The following CDC27 variants were observed in gnomAD, a reference collection of about 807,000 sequenced individuals.
CDC27 encodes the protein cell division cycle 27, also known as cell division cycle protein 27 homolog.
CDC27 carries 27 observed loss-of-function variants against 109.7 expected under a neutral mutation model. That is an observed-to-expected ratio of 0.25 (90% confidence interval 0.18 to 0.34). The LOEUF (loss-of-function observed/expected upper bound fraction) is 0.34, where lower values mean the gene tolerates loss of function less well. Among genes scored for constraint, CDC27 ranks in the 10% least tolerant of loss-of-function variants. CDC27 has a pLI of 1.00. For missense variants in CDC27, 579 were observed against 960.2 expected, an observed-to-expected ratio of 0.60 and a Z score of 5.25; for synonymous variants, 266 against 333.9, an observed-to-expected ratio of 0.80 and a Z score of 2.22.
rs781548146 is a variant in CDC27, at chr17:47,181,567, G to C, written c.98C>G (p.Ala33Gly). The stretch of plus-strand genomic sequence containing the variant: ...GCAATGAATAGATTTCAAACCTTCT[G>C]CATAAAGGCGTTCTGCGAGGAAAAC... ...DAVFLAERLY[A>G]EVHSEEALFL... Residue 33 changes from alanine (A) to glycine (G), a missense_variant, in exon 2 of 19, where the codon GCA (alanine) becomes GGA (glycine). By Grantham distance (60) the Ala-to-Gly change is moderately conservative (BLOSUM62 0). Coordinates refer to ENST00000066544, the MANE Select transcript of CDC27 (RefSeq NM_001256.6). 2.5e-6 allele frequency: 4 copies of C among 1,585,714 alleles called. No individual in the cohort carries two copies. In the East Asian group the frequency reaches 8.9e-5, roughly 35 times the overall value.
intron 9 of CDC27, among the ~76,000 whole-genome samples, chr17:47,149,156 A>C (rs533306893): frequency 2.6e-4 from 40 of 151,934 alleles, no homozygotes; most frequent in Non-Finnish European, 5.0e-4. Flanking sequence ...ATGAAATAAG[A>C]ACTTTTTTTC....
chr17:47,138,729 G>T lies in CDC27; in HGVS notation c.1704+10C>A. The T allele has an allele frequency of 6.3e-7, 1 of 1,598,822 alleles. No homozygotes were observed. The stretch of plus-strand genomic sequence containing the variant: ...GTAACTATATAAGCAAAGTATTTTG[G>T]TTAACATACCTCTGGCGAATTTTTA... On this transcript the variant is annotated intron_variant, in intron 13 of 18. Coordinates refer to ENST00000066544, the MANE Select transcript of CDC27 (RefSeq NM_001256.6).
chr17:47,179,280 A>G (rs886921268), intron 2 of CDC27, among the ~76,000 whole-genome samples: 2 of 152,234 alleles, frequency 1.3e-5, no homozygotes, highest in African/African-American at 2.4e-5. Context: ...TACTAGTGAC[A>G]TAGGAGGCCC....
At chr17:47,133,024 TATATACAC>T (rs781728880) in intron 14 of CDC27, among the ~76,000 whole-genome samples, 3,021 of 47,500 alleles carry the variant, frequency 0.064, 178 homozygotes, top group East Asian at 0.29. Flanking sequence ...TATATATATA[TATATACAC>T]ACACACACAC....
chr17:47,163,662 A>C (rs1407720307), intron 4 of CDC27, among the ~76,000 whole-genome samples: 1 of 152,246 alleles, frequency 6.6e-6, no homozygotes, highest in Non-Finnish European at 1.5e-5. Flanking sequence ...ATTTAACTGC[A>C]TCTTTAAAAA....
At chr17:47,186,156 C>T (rs955771672) in intron 1 of CDC27, among the ~76,000 whole-genome samples, 1 of 152,182 alleles carries the variant, frequency 6.6e-6, no homozygotes, top group African/African-American at 2.4e-5. Flanking sequence ...TAAATATTCC[C>T]AAAGTGGTGC....
intron 1 of CDC27, among the ~76,000 whole-genome samples, chr17:47,186,535 T>C (rs2064443452): frequency 6.6e-6 from 1 of 152,224 alleles, no homozygotes; most frequent in Non-Finnish European, 1.5e-5. Context: ...GTGACTTTTA[T>C]AAATATTCAA....
intron 10 of CDC27, 51 bp downstream of exon 10, chr17:47,143,831 GT>G: frequency 2.5e-6 from 2 of 801,612 alleles, no homozygotes; most frequent in East Asian, 2.9e-5. Flanking sequence ...GAACAGAAAT[GT>G]TAGCAGGCGA....
chr17:47,137,246 A>G lies in CDC27; in HGVS notation c.1819T>C (p.Leu607=), dbSNP rs1229081511. The G allele has an allele frequency of 1.2e-6, 2 of 1,611,386 alleles. No homozygotes were observed. Among genetic ancestry groups the G allele is most frequent in the Admixed American group, 3.3e-5 (2 of 59,966 alleles). The change falls in exon 14 of 19, where the codon TTA becomes CTA. Residue 607 remains leucine (L), a synonymous_variant. Transcript: ENST00000066544. The part of the protein sequence containing the change: ...DPNYAYAYTL[L]GHEFVLTEEL... ...TCAGTTAAGACAAACTCATGCCCTAATAGAGTATAGGCATAAGCGTAATTT... is the reference window on the plus strand; with the variant it reads ...TCAGTTAAGACAAACTCATGCCCTAGTAGAGTATAGGCATAAGCGTAATTT...
intron 4 of CDC27, among the ~76,000 whole-genome samples, chr17:47,165,743 C>A (rs1199161896): frequency 6.6e-6 from 1 of 152,100 alleles, no homozygotes; most frequent in Non-Finnish European, 1.5e-5. Context: ...CTAACCCTAG[C>A]TCATAAAGAT....
At chr17:47,127,493 TC>T (rs1568364686) in intron 16 of CDC27, among the ~76,000 whole-genome samples, 3 of 150,466 alleles carry the variant, frequency 2.0e-5, no homozygotes, top group African/African-American at 7.3e-5. Flanking sequence ...ACCTCTGCCT[TC>T]CAGTTTCAAG....
intron 9 of CDC27, among the ~76,000 whole-genome samples, chr17:47,147,564 AT>A (rs1293580069): frequency 6.6e-6 from 1 of 151,104 alleles, no homozygotes; most frequent in Non-Finnish European, 1.5e-5. Context: ...ATACAAATAC[AT>A]CCTATACGTT....
chr17:47,143,962 C>T lies in CDC27; in HGVS notation c.1091G>A (p.Ser364Asn). The T allele has an allele frequency of 1.4e-6, 2 of 1,460,854 alleles. No individual in the cohort carries two copies. Among genetic ancestry groups the T allele is most frequent in the South Asian group, 1.6e-5 (1 of 61,634 alleles). The allele number at this position is 1,460,854 out of a possible 1,614,324, so 90.5% of individuals were successfully genotyped here. A position where few individuals can be genotyped will look rare whatever the true frequency, so the allele number is the denominator to read the frequency against. Residue 364 changes from serine to asparagine, a missense_variant, in exon 10 of 19, where the codon AGC (serine) becomes AAC (asparagine). Physicochemically the swap from Ser to Asn is conservative, Grantham distance 46. Coordinates refer to ENST00000066544, the MANE Select transcript of CDC27 (RefSeq NM_001256.6). ...PQTSTTPQVL[S>N]PTITSPPNAL... is the part of the protein sequence containing the mutation. Reference sequence around the variant, plus strand: ...GTTTGGGGGAGATGTAATAGTGGGGCTCAATACCTGAGGTGTTGTACTAAA... The same window carrying T: ...GTTTGGGGGAGATGTAATAGTGGGGTTCAATACCTGAGGTGTTGTACTAAA...
chr17:47,128,774 T>C (rs1216237374), intron 16 of CDC27, among the ~76,000 whole-genome samples: 1 of 150,208 alleles, frequency 6.7e-6, no homozygotes, highest in Non-Finnish European at 1.5e-5. Flanking sequence ...ATTTTTAATT[T>C]TTTTTTTTTT....
intron 4 of CDC27, chr17:47,159,630 T>C: frequency 6.5e-6 from 3 of 460,062 alleles, no homozygotes; most frequent in East Asian, 4.6e-5. Context: ...CAGATGGCAG[T>C]GGCCACCTCC....
At chr17:47,147,867 C>A (rs2063020118) in intron 9 of CDC27, among the ~76,000 whole-genome samples, 1 of 147,594 alleles carries the variant, frequency 6.8e-6, no homozygotes, top group Non-Finnish European at 1.5e-5. Context: ...CATCACTGCA[C>A]TCCAGCCTGG....
chr17:47,148,145 A>C (rs1479913774), intron 9 of CDC27, among the ~76,000 whole-genome samples: 1 of 149,414 alleles, frequency 6.7e-6, no homozygotes. Flanking sequence ...GGGTGCAGTG[A>C]GCCAGATTGT....
At chr17:47,179,605 G>A (rs1278812537) in intron 2 of CDC27, among the ~76,000 whole-genome samples, 1 of 152,168 alleles carries the variant, frequency 6.6e-6, no homozygotes, top group African/African-American at 2.4e-5. Flanking sequence ...TATACAGTAA[G>A]AAATCAATAA....
At chr17:47,122,403 G>GT (rs770073775) in intron 18 of CDC27, 41 bp downstream of exon 18, 3 of 1,367,418 alleles carry the variant, frequency 2.2e-6, no homozygotes, top group South Asian at 3.1e-5. Context: ...TATGCAAAAG[G>GT]TAACTTTCTA....
Sources: allele counts gnomAD v4.1 joint callset (sites outside exome capture counted in the v4.1 genomes callset), GRCh38; gene constraint gnomAD v4.1.1; transcripts MANE v1.5; gene names NCBI Gene and HGNC (gene_info 2026-07-23, HGNC 2026-07-21).